Variants in NTRK2 observed in about 807,000 individuals in gnomAD.
NTRK2 encodes neurotrophic receptor tyrosine kinase 2.
NTRK2 carries 13 observed loss-of-function variants against 94.5 expected under a neutral mutation model. The observed-to-expected ratio is 0.14, with a 90% confidence interval of 0.09 to 0.22. NTRK2 has a LOEUF of 0.22. Among genes scored for constraint, NTRK2 ranks in the 10% least tolerant of loss-of-function variants. The pLI is 1.00. For missense variants in NTRK2, 639 were observed against 1,071.2 expected (o/e 0.60, Z 5.63); for synonymous variants, 372 against 407.4 (o/e 0.91, Z 1.05).
chr9:84,691,563 T>C (rs1168381792), intron 2 of NTRK2, among the ~76,000 whole-genome samples: 1 of 152,048 alleles, frequency 6.6e-6, no homozygotes, highest in Non-Finnish European at 1.5e-5. Context: ...AACAAGCAGA[T>C]GGTGGGGGCT....
chr9:84,825,469 C>T (rs1194523506), intron 12 of NTRK2, among the ~76,000 whole-genome samples: 1 of 152,150 alleles, frequency 6.6e-6, no homozygotes, highest in African/African-American at 2.4e-5. Context: ...TGGTTTGACC[C>T]TCTTCCTCCC....
chr9:84,842,682 T>TTGGAACCTCACCTCATCCACAGTC (rs1182537206), intron 12 of NTRK2, among the ~76,000 whole-genome samples: 1 of 152,198 alleles, frequency 6.6e-6, no homozygotes, highest in South Asian at 2.1e-4. Context: ...CGTATGACCA[T>TTGGAACCTCACCTCATCCACAGTC]TGGAACCTCA....
chr9:84,841,073 G>T (rs1440028677), intron 12 of NTRK2, among the ~76,000 whole-genome samples: 1 of 152,124 alleles, frequency 6.6e-6, no homozygotes, highest in Non-Finnish European at 1.5e-5. Flanking sequence ...CTCTCCAGCT[G>T]CTCTCCCTCA....
Position 84,741,829 on chromosome 9 carries a change from G to A in NTRK2, c.1160-63G>A, listed in dbSNP as rs77604703. On this transcript the variant is annotated intron_variant, in intron 9 of 18. Transcript: ENST00000277120. Reference sequence around the variant, plus strand: ...TGTCTAGCTTATTTTAGTTGACATAGGTTAGTAATTTTTTGACTCCAAAAT... The same window carrying A: ...TGTCTAGCTTATTTTAGTTGACATAAGTTAGTAATTTTTTGACTCCAAAAT... 5,620 of 1,393,680 alleles carry A rather than the reference G, an allele frequency of 4.0e-3. 188 individuals carry two copies. The African/African-American group carries it at 0.07, about 17-fold the overall frequency. The allele number at this position is 1,393,680 out of a possible 1,614,324, so 86.3% of individuals were successfully genotyped here. A position where few individuals can be genotyped will look rare whatever the true frequency, so the allele number is the denominator to read the frequency against.
At chr9:84,845,497 C>A (rs1035224568) in intron 12 of NTRK2, among the ~76,000 whole-genome samples, 1 of 152,130 alleles carries the variant, frequency 6.6e-6, no homozygotes, top group African/African-American at 2.4e-5. Context: ...CTGAATTTGA[C>A]AACGCTTAAT....
intron 17 of NTRK2, among the ~76,000 whole-genome samples, chr9:85,013,811 G>A (rs1564551058): frequency 6.6e-6 from 1 of 152,156 alleles, no homozygotes; most frequent in South Asian, 2.1e-4. Context: ...TTGCCCTTTG[G>A]CCTACAAGTT....
At chr9:84,788,920 G>T (rs759553320) in intron 12 of NTRK2, among the ~76,000 whole-genome samples, 45 of 152,168 alleles carry the variant, frequency 3.0e-4, no homozygotes, top group Admixed American at 7.9e-4. Flanking sequence ...TTAGCCTAGA[G>T]GTAAGTAGCG....
chr9:84,813,662 C>A (rs1335751189), intron 12 of NTRK2: 2 of 1,066,010 alleles, frequency 1.9e-6, no homozygotes, highest in Middle Eastern at 4.1e-4. Flanking sequence ...AATTCTGCAC[C>A]AATGTCTCCC....
intron 17 of NTRK2, among the ~76,000 whole-genome samples, chr9:84,975,821 G>A (rs117296760): frequency 0.034 from 5,037 of 148,764 alleles, 117 homozygotes; most frequent in Middle Eastern, 0.061. Context: ...AATATGTATT[G>A]TAAGTGTGAA....
rs531152466 is a variant in NTRK2, at chr9:85,025,306, A to G, written c.*3869A>G. 4.1e-4 allele frequency: 95 copies of G among 233,234 alleles called. No individual in the cohort carries two copies. The highest frequency in any genetic ancestry group is 1.9e-3 in the African/African-American group (86 of 45,450). 14.4% of individuals were successfully genotyped at this position (233,234 alleles called of 1,614,324 possible). On this transcript the variant is annotated 3_prime_UTR_variant, in exon 19 of 19. Transcript: ENST00000277120. The stretch of plus-strand genomic sequence containing the variant: ...TTGCTTTCTTTTTGTCTTTCAGCAC[A>G]TTTGTATTATGCTCACCTTGTCTCT...
chr9:84,705,188 T>G (rs1002055732), intron 4 of NTRK2, among the ~76,000 whole-genome samples: 1 of 151,978 alleles, frequency 6.6e-6, no homozygotes, highest in Non-Finnish European at 1.5e-5. Context: ...CTCTCTCACT[T>G]TCACCACTTC....
chr9:84,837,713 A>G (rs1322682681), intron 12 of NTRK2, among the ~76,000 whole-genome samples: 3 of 152,236 alleles, frequency 2.0e-5, no homozygotes, highest in Admixed American at 1.3e-4. Context: ...AAGTCACAAA[A>G]GAAAGTCTAT....
At chr9:84,748,060 A>G (rs2064252363) in intron 11 of NTRK2, among the ~76,000 whole-genome samples, 1 of 152,212 alleles carries the variant, frequency 6.6e-6, no homozygotes, top group Non-Finnish European at 1.5e-5. Context: ...TTTCTGGTCC[A>G]ACAAGTGCTC....
At chr9:84,675,058 G>A (rs984286019) in intron 2 of NTRK2, among the ~76,000 whole-genome samples, 1 of 152,182 alleles carries the variant, frequency 6.6e-6, no homozygotes, top group Non-Finnish European at 1.5e-5. Context: ...GTTCCCTAGT[G>A]TGGAGTTTAG....
At chr9:84,677,462 T>G (rs917974259) in intron 2 of NTRK2, among the ~76,000 whole-genome samples, 1 of 152,124 alleles carries the variant, frequency 6.6e-6, no homozygotes, top group Non-Finnish European at 1.5e-5. Flanking sequence ...CTGAGACATA[T>G]TTTTGGTTGC....
intron 17 of NTRK2, among the ~76,000 whole-genome samples, chr9:84,972,865 A>C (rs1826347044): frequency 6.6e-6 from 1 of 152,134 alleles, no homozygotes; most frequent in South Asian, 2.1e-4. Flanking sequence ...AGCCCCCAAA[A>C]ACCCATATGA....
At chr9:84,863,601 A>G (rs1243815025) in intron 13 of NTRK2, among the ~76,000 whole-genome samples, 3 of 152,180 alleles carry the variant, frequency 2.0e-5, no homozygotes, top group Non-Finnish European at 4.4e-5. Flanking sequence ...CAAATTATGT[A>G]GACATTCATT....
intron 17 of NTRK2, among the ~76,000 whole-genome samples, chr9:84,978,745 A>T (rs554825560): frequency 6.8e-4 from 104 of 152,350 alleles, no homozygotes; most frequent in Non-Finnish European, 1.1e-3. Context: ...CTGGCTTCAA[A>T]GCTTCACAGT....
At chr9:84,741,354 A>G (rs996347107) in intron 9 of NTRK2, among the ~76,000 whole-genome samples, 6 of 152,232 alleles carry the variant, frequency 3.9e-5, no homozygotes, top group Admixed American at 1.3e-4. Context: ...GGCTTAAAAA[A>G]GGTTTCTTCA....
Sources: allele counts gnomAD v4.1 joint callset (sites outside exome capture counted in the v4.1 genomes callset), GRCh38; gene constraint gnomAD v4.1.1; transcripts MANE v1.5; gene names NCBI Gene and HGNC (gene_info 2026-07-23, HGNC 2026-07-21).